Variants in PRMT5 observed in about 807,000 individuals in gnomAD.
PRMT5 encodes protein arginine N-methyltransferase 5.
In PRMT5, 15 loss-of-function variants were observed where a neutral mutation model predicts 84.0. That is an observed-to-expected ratio of 0.18 (90% CI 0.12 to 0.28). PRMT5 has a LOEUF of 0.28. Among genes scored for constraint, PRMT5 ranks in the 10% least tolerant of loss-of-function variants. The pLI is 1.00. For synonymous variants in PRMT5, 276 were observed against 292.4 expected, an observed-to-expected ratio of 0.94 and a Z score of 0.57; for missense variants, 486 against 808.0, an observed-to-expected ratio of 0.60 and a Z score of 4.83.
intron 4 of PRMT5, among the ~76,000 whole-genome samples, 191 bp downstream of exon 4, chr14:22,927,335 C>T (rs972355729): frequency 4.6e-5 from 7 of 152,074 alleles, no homozygotes; most frequent in Admixed American, 3.3e-4. Context: ...GTCTCGAACT[C>T]CTGAGCTCAG....
chr14:22,921,996 C>T (rs1212585305), intron 16 of PRMT5, 180 bp downstream of exon 16: 6 of 633,414 alleles, frequency 9.5e-6, no homozygotes, highest in South Asian at 1.9e-5. Context: ...AGAGTAGATG[C>T]GGGAAAGCCA....
intron 4 of PRMT5, chr14:22,927,028 C>G: frequency 1.8e-6 from 1 of 542,692 alleles, no homozygotes. Flanking sequence ...ATTACATTTA[C>G]ATGTTTTGAA....
At chr14:22,922,890 T>G in intron 13 of PRMT5, 55 bp from the exon 14 acceptor site, 1 of 1,542,392 alleles carries the variant, frequency 6.5e-7, no homozygotes, top group Non-Finnish European at 8.9e-7. Context: ...AAGAGAGAAC[T>G]ACTTCCCCAA....
rs750364260 is a variant in PRMT5, at chr14:22,928,251, G to T, written c.230-40C>A. The T allele has an allele frequency of 3.8e-6, 6 of 1,589,238 alleles. No individual in the cohort carries two copies. Among genetic ancestry groups the T allele is most frequent in the East Asian group, 2.2e-5 (1 of 44,768 alleles). ...CCAAGAAAGACAAATACTGAATAAG[G>T]TTCAGCACTTTACTTGTTCAATTTT... is the stretch of plus-strand genomic sequence containing the variant. On this transcript the variant is annotated intron_variant, in intron 2 of 16. Transcript: ENST00000324366. The surrounding 1 kb of genome is among the most constrained non-coding windows in gnomAD (Gnocchi z 4.8).
rs2044427461 is a variant in PRMT5, at chr14:22,926,685, A to T, written c.563+17T>A. The T allele has an allele frequency of 6.2e-7, 1 of 1,607,750 alleles. No individual in the cohort carries two copies. Among genetic ancestry groups the T allele is most frequent in the African/African-American group, 1.3e-5 (1 of 74,874 alleles). On this transcript the variant is annotated intron_variant, in intron 5 of 16. Transcript: ENST00000324366. ...CCTATCCCTTGCACCCTGGTACAGC[A>T]GCAAAGGGAGACATACCACATCCAC...
chr14:22,922,162 A>G lies in PRMT5; in HGVS notation c.1761+14T>C. The G allele has an allele frequency of 1.9e-6, 3 of 1,549,380 alleles. No homozygotes were observed. Among genetic ancestry groups the G allele is most frequent in the Non-Finnish European group, 2.7e-6 (3 of 1,121,176 alleles). ...GTTACTGCTTAACTAGAGAGTCTTA[A>G]AAGCAGTTCCTACCTTAATAGGGAA... On this transcript the variant is annotated intron_variant, in intron 16 of 16. Transcript: ENST00000324366.
In PRMT5 at chr14:22,926,562, A is replaced by G; in HGVS notation, c.564-7T>C. 1.2e-6 allele frequency: 2 copies of G among 1,614,108 alleles called. No individual in the cohort carries two copies. Among genetic ancestry groups the G allele is most frequent in the Non-Finnish European group, 1.7e-6 (2 of 1,179,972 alleles). ...AGTCCGGAAGTTGTGCCACCTGTTC[A>G]GTCAAATACAGAAAAGTACAGTAAA... On this transcript the variant is annotated splice_region_variant and splice_polypyrimidine_tract_variant and intron_variant, in intron 5 of 16. Transcript: ENST00000324366.
At position 22,923,626 on chromosome 14, in the gene PRMT5, G is replaced by A. The variant is rs553163908; in HGVS notation, c.1375+382C>T. On this transcript the variant is annotated intron_variant, in intron 12 of 16. Coordinates refer to ENST00000324366, the MANE Select transcript of PRMT5 (RefSeq NM_006109.5). The surrounding 1 kb of genome is among the most constrained non-coding windows in gnomAD (Gnocchi z 5.2). The stretch of plus-strand genomic sequence containing the variant: ...CCTCCCAGGTTCAAGTGATTCTCGC[G>A]CCTCAGCCTCCCGAGTAGCTGGGAT... Among the ~76,000 whole-genome samples the A allele has an allele frequency of 2.6e-5, 4 of 152,016 alleles. No homozygotes were observed. The highest frequency in any genetic ancestry group is 9.7e-5 in the African/African-American group (4 of 41,442).
rs746282677 is a variant in PRMT5, at chr14:22,922,782, A to G, written c.1539T>C (p.Ser513=). ...VVRLHNFHQL[S]APQPCFTFSH... Reference sequence around the variant, plus strand: ...TGAAGGTGAAACAGGGCTGGGGTGCAGAGAGCTGGTGGAAGTTGTGCAGCC... The same window carrying G: ...TGAAGGTGAAACAGGGCTGGGGTGCGGAGAGCTGGTGGAAGTTGTGCAGCC... The change falls in exon 14 of 17, where the codon TCT becomes TCC. Residue 513 remains serine (S), a synonymous_variant. Coordinates refer to ENST00000324366, the MANE Select transcript of PRMT5 (RefSeq NM_006109.5). The G allele has an allele frequency of 1.2e-6, 2 of 1,613,928 alleles. No individual in the cohort carries two copies. Among genetic ancestry groups the G allele is most frequent in the Admixed American group, 1.7e-5 (1 of 59,976 alleles).
intron 15 of PRMT5, 88 bp from the exon 16 acceptor site, chr14:22,922,328 A>G: frequency 7.0e-7 from 1 of 1,433,718 alleles, no homozygotes; most frequent in Non-Finnish European, 9.8e-7. Context: ...TAATCACACA[A>G]AGATCTCCAT....
intron 3 of PRMT5, among the ~76,000 whole-genome samples, 154 bp downstream of exon 3, chr14:22,927,972 G>C (rs2044463954): frequency 6.6e-6 from 1 of 152,102 alleles, no homozygotes; most frequent in Non-Finnish European, 1.5e-5. Flanking sequence ...GCCTCCCAAA[G>C]TGCTAGGATT....
rs373350376 is a variant in PRMT5, at chr14:22,924,576, T to C, written c.1018-39A>G. 3.7e-6 allele frequency: 6 copies of C among 1,612,866 alleles called. No individual in the cohort carries two copies. The highest frequency in any genetic ancestry group is 4.2e-6 in the Non-Finnish European group (5 of 1,178,990). Reference sequence around the variant, plus strand: ...AGAATATCCCATGGTTGTAATCCCATCCTCCCCAGGTCATGCTGGCCCTGT... The same window carrying C: ...AGAATATCCCATGGTTGTAATCCCACCCTCCCCAGGTCATGCTGGCCCTGT... On this transcript the variant is annotated intron_variant, in intron 9 of 16. Transcript: ENST00000324366. This position sits in a 1 kb window ranked among gnomAD's most constrained non-coding sequence, Gnocchi z 6.5.
chr14:22,925,045 G>A lies in PRMT5; in HGVS notation c.778-5C>T. 1 of 1,613,442 alleles carries A rather than the reference G, an allele frequency of 6.2e-7. No homozygotes were observed. Among genetic ancestry groups the A allele is most frequent in the Non-Finnish European group, 8.5e-7 (1 of 1,179,682 alleles). ...GATGATGAACTGCACCTCCAACTGTGAGAAAAGTCAGACCATCAGACACAG... is the reference window on the plus strand; with the variant it reads ...GATGATGAACTGCACCTCCAACTGTAAGAAAAGTCAGACCATCAGACACAG... On this transcript the variant is annotated splice_polypyrimidine_tract_variant and splice_region_variant and intron_variant, in intron 7 of 16. Coordinates refer to ENST00000324366, the MANE Select transcript of PRMT5 (RefSeq NM_006109.5).
rs1207714695 is a variant in PRMT5 at position 22,928,074 on chromosome 14, T to C, written c.315+52A>G. The C allele has an allele frequency of 1.3e-6, 2 of 1,513,642 alleles. No homozygotes were observed. Among genetic ancestry groups the C allele is most frequent in the African/African-American group, 2.8e-5 (2 of 72,122 alleles). The allele number at this position is 1,513,642 out of a possible 1,614,324, so 93.8% of individuals were successfully genotyped here. A position where few individuals can be genotyped will look rare whatever the true frequency, so the allele number is the denominator to read the frequency against. On this transcript the variant is annotated intron_variant, in intron 3 of 16. Coordinates refer to ENST00000324366, the MANE Select transcript of PRMT5 (RefSeq NM_006109.5). The surrounding 1 kb of genome is among the most constrained non-coding windows in gnomAD (Gnocchi z 4.8). ...TATTGGGGATGGGAGGGGACCACTC[T>C]CCCCACCCAGCTTGGTTAGAAAAAT... is the stretch of plus-strand genomic sequence containing the variant.
At chr14:22,921,881 C>CT (rs1397592157) in intron 16 of PRMT5, among the ~76,000 whole-genome samples, 3 of 72,656 alleles carry the variant, frequency 4.1e-5, no homozygotes, top group Non-Finnish European at 8.2e-5. Context: ...GACTCCGTCT[C>CT]TTTAAAAAAA....
Position 22,924,046 on chromosome 14 carries a change from G to A in PRMT5, c.1337C>T (p.Ser446Leu). 6.3e-7 allele frequency: 1 copy of A among 1,594,780 alleles called. No homozygotes were observed. Among genetic ancestry groups the A allele is most frequent in the East Asian group, 2.2e-5 (1 of 44,840 alleles). Residue 446 changes from serine (S) to leucine (L), a missense_variant, in exon 12 of 17, where the codon TCG becomes TTG. Physicochemically the swap from Ser to Leu is moderately radical, Grantham distance 145. This residue lies in a region of PRMT5 where 219 missense variants were observed against 433.6 expected (regional missense o/e 0.51). Coordinates refer to ENST00000324366, the MANE Select transcript of PRMT5 (RefSeq NM_006109.5). This position sits in a 1 kb window ranked among gnomAD's most constrained non-coding sequence, Gnocchi z 6.5. ...LLGSFADNEL[S>L]PECLDGAQHF... is the part of the protein sequence containing the mutation. ...CTGGGCTCCATCCAGGCACTCAGGCGACAATTCATTGTCAGCAAATGAGCC... is the reference window on the plus strand; with the variant it reads ...CTGGGCTCCATCCAGGCACTCAGGCAACAATTCATTGTCAGCAAATGAGCC...
Position 22,923,173 on chromosome 14 carries a change from A to G in PRMT5, c.1376-13T>C, listed in dbSNP as rs200712585. ...CTCACACCATCATCTGCACAGCAGG[A>G]GAGTCAAATTAGTTCCAGAGGGAGG... On this transcript the variant is annotated splice_polypyrimidine_tract_variant and intron_variant, in intron 12 of 16. Transcript: ENST00000324366. This position sits in a 1 kb window ranked among gnomAD's most constrained non-coding sequence, Gnocchi z 5.2. The G allele has an allele frequency of 1.5e-3, 2,360 of 1,573,478 alleles. 22 individuals are homozygous for G. Among genetic ancestry groups the G allele is most frequent in the South Asian group, 6.2e-4 (55 of 88,650 alleles).
chr14:22,920,605 A>G lies in PRMT5; in HGVS notation c.*299T>C. ...AAAACAAGAACAGAAAAAGGCTGAA[A>G]ATCCGTTCAAACCCCATGTTCTCAG... On this transcript the variant is annotated 3_prime_UTR_variant, in exon 17 of 17. Transcript: ENST00000324366. 1 of 601,130 alleles carries G rather than the reference A, an allele frequency of 1.7e-6. No individual in the cohort carries two copies. The highest frequency in any genetic ancestry group is 1.6e-5 in the South Asian group (1 of 64,462). The allele number at this position is 601,130 out of a possible 1,614,324, so 37.2% of individuals were successfully genotyped here. A position where few individuals can be genotyped will look rare whatever the true frequency, so the allele number is the denominator to read the frequency against.
intron 16 of PRMT5, among the ~76,000 whole-genome samples, chr14:22,921,884 TAAAAAAAAAA>T (rs34529278): frequency 1.7e-5 from 2 of 120,014 alleles, no homozygotes; most frequent in African/African-American, 6.2e-5. Context: ...TCCGTCTCTT[TAAAAAAAAAA>T]AAAAAAAAAA....
Sources: gnomAD v4.1 joint callset for allele counts (sites outside exome capture counted in the v4.1 genomes callset) on GRCh38, gnomAD v4.1.1 for gene constraint, gnomAD v4.1.1 regional missense constraint, Gnocchi (gnomAD v3.1) non-coding constraint, MANE v1.5 for transcripts, NCBI Gene and HGNC (gene_info 2026-07-23, HGNC 2026-07-21) for gene names.